ITSN2: variants seen among roughly 807,000 people sequenced by gnomAD.
The protein encoded by ITSN2 is intersectin-2.
In ITSN2, 156 loss-of-function variants were observed where a neutral mutation model predicts 243.7. The observed-to-expected ratio is 0.64, with a 90% confidence interval of 0.56 to 0.73. ITSN2 has a LOEUF of 0.73. Ranked by LOEUF, ITSN2 falls within the 30% of genes least tolerant of loss-of-function variation. ITSN2 has a pLI of 0.00. For missense variants in ITSN2, 1,801 were observed against 1,996.1 expected (o/e 0.90, Z 1.86); for synonymous variants, 703 against 699.9 (o/e 1.00, Z -0.07).
intron 14 of ITSN2, among the ~76,000 whole-genome samples, chr2:24,295,370 G>T (rs146983785): frequency 6.6e-6 from 1 of 152,180 alleles, no homozygotes; most frequent in African/African-American, 2.4e-5. Context: ...ACAGTGGTGC[G>T]ATCTGGGTTC....
At chr2:24,257,823 C>A in intron 23 of ITSN2, 65 bp downstream of exon 23, 1 of 1,204,062 alleles carries the variant, frequency 8.3e-7, no homozygotes, top group East Asian at 2.3e-5. Flanking sequence ...TCAATCAGAC[C>A]ATGGCTGACT....
At chr2:24,332,905 A>C (rs554182048) in intron 1 of ITSN2, among the ~76,000 whole-genome samples, 3 of 152,222 alleles carry the variant, frequency 2.0e-5, no homozygotes, top group Non-Finnish European at 4.4e-5. Flanking sequence ...TGTCATGCTG[A>C]GTATTCATTG....
At chr2:24,298,540 C>T in intron 13 of ITSN2, 125 bp downstream of exon 13, 2 of 795,322 alleles carry the variant, frequency 2.5e-6, no homozygotes, top group Non-Finnish European at 3.8e-6. Flanking sequence ...AGTTGATCTG[C>T]CTGCCTTGGC....
chr2:24,260,903 CA>C (rs34385491), intron 22 of ITSN2, among the ~76,000 whole-genome samples: 71 of 117,744 alleles, frequency 6.0e-4, no homozygotes, highest in Admixed American at 3.1e-3. Context: ...GGCTCCGTCT[CA>C]AAAAAAAAAA....
chr2:24,337,341 T>TATATATATATAC lies in ITSN2; in HGVS notation c.-33-9227_-33-9226insGTATATATATAT, dbSNP rs1558650780. 1.8e-4 allele frequency among the ~76,000 whole-genome samples: 21 copies of TATATATATATAC among 117,252 alleles called. 4 individuals carry two copies. Among genetic ancestry groups the TATATATATATAC allele is most frequent in the African/African-American group, 6.8e-4 (21 of 31,012 alleles). The allele number at this position is 117,252 out of a possible 152,430, so 76.9% of individuals were successfully genotyped here. On this transcript the variant is annotated intron_variant, in intron 1 of 39. Coordinates refer to ENST00000355123, the MANE Select transcript of ITSN2 (RefSeq NM_006277.3). The stretch of plus-strand genomic sequence containing the variant: ...ATATATATATATATATATATATATA[T>TATATATATATAC]ATATATATATATGTAATTTTTTTTT...
At chr2:24,274,569 T>C (rs962329565) in intron 18 of ITSN2, among the ~76,000 whole-genome samples, 2 of 152,106 alleles carry the variant, frequency 1.3e-5, no homozygotes, top group African/African-American at 4.8e-5. Flanking sequence ...GCAAGGACCC[T>C]GTCTCAAAAT....
chr2:24,254,304 G>T (rs1674741308), intron 24 of ITSN2, 63 bp downstream of exon 24: 1 of 1,032,626 alleles, frequency 9.7e-7, no homozygotes, highest in Non-Finnish European at 1.5e-6. Flanking sequence ...ACTATGTGAA[G>T]TCAGGTAGTT....
chr2:24,257,080 G>A (rs939405203), intron 23 of ITSN2, among the ~76,000 whole-genome samples: 1 of 152,334 alleles, frequency 6.6e-6, no homozygotes, highest in African/African-American at 2.4e-5. Context: ...ACTTTGGGAG[G>A]TGGAGGCAGG....
At chr2:24,350,885 G>A (rs1160557025) in intron 1 of ITSN2, among the ~76,000 whole-genome samples, 2 of 152,156 alleles carry the variant, frequency 1.3e-5, no homozygotes, top group African/African-American at 2.4e-5. Flanking sequence ...GGGTATAGGA[G>A]GTTCTTTTAA....
rs1000303677 is a variant in ITSN2, at chr2:24,204,114, G to A, written c.4936+131C>T. The A allele has an allele frequency of 1.4e-5, 13 of 903,800 alleles. No homozygotes were observed. The highest frequency in any genetic ancestry group is 3.5e-4 in the Middle Eastern group (1 of 2,830). The allele number at this position is 903,800 out of a possible 1,614,324, so 56.0% of individuals were successfully genotyped here. A position where few individuals can be genotyped will look rare whatever the true frequency, so the allele number is the denominator to read the frequency against. ...AAGGCCACCCACCTGCTGCCAAAGC[G>A]AGATGACACAGGCCTGTGTCACTTC... is the stretch of plus-strand genomic sequence containing the variant. On this transcript the variant is annotated intron_variant, in intron 39 of 39. Coordinates refer to ENST00000355123, the MANE Select transcript of ITSN2 (RefSeq NM_006277.3). This position sits in a 1 kb window ranked among gnomAD's most constrained non-coding sequence, Gnocchi z 5.1.
intron 1 of ITSN2, among the ~76,000 whole-genome samples, chr2:24,354,806 T>C (rs961081953): frequency 2.0e-5 from 3 of 152,212 alleles, no homozygotes; most frequent in Non-Finnish European, 4.4e-5. Flanking sequence ...CTTAAAAATA[T>C]GAAACAGTTA....
intron 18 of ITSN2, chr2:24,273,622 G>A (rs1170563392): frequency 1.3e-5 from 2 of 152,096 alleles, no homozygotes; most frequent in Non-Finnish European, 2.9e-5. Flanking sequence ...ATAAGTATGA[G>A]ACTAGGACAA....
intron 20 of ITSN2, among the ~76,000 whole-genome samples, chr2:24,266,085 T>C (rs762071991): frequency 7.2e-5 from 11 of 152,202 alleles, no homozygotes; most frequent in Non-Finnish European, 1.5e-4. Flanking sequence ...ACTAAGCAAA[T>C]ATAAGGCATA....
rs1222879253 is a variant in ITSN2, at chr2:24,256,486, C to A, written c.2888+1402G>T. Among the ~76,000 whole-genome samples the A allele has an allele frequency of 2.0e-5, 3 of 152,196 alleles. No individual in the cohort carries two copies. The East Asian group carries it at 5.8e-4, about 29-fold the overall frequency. On this transcript the variant is annotated intron_variant, in intron 23 of 39. Coordinates refer to ENST00000355123, the MANE Select transcript of ITSN2 (RefSeq NM_006277.3). ...CTTTTCATCAAATCAGACTGCTTTT[C>A]TACCAACTTCCATATAAAACACAAG...
At chr2:24,337,336 A>ATATATATATG (rs1686538215) in intron 1 of ITSN2, among the ~76,000 whole-genome samples, 4 of 111,086 alleles carry the variant, frequency 3.6e-5, no homozygotes, top group South Asian at 2.7e-4. Flanking sequence ...ATATATATAT[A>ATATATATATG]TATATATATA....
At position 24,281,337 on chromosome 2, in the gene ITSN2, G is replaced by T. The variant is rs543090868; in HGVS notation, c.1944+3426C>A. On this transcript the variant is annotated intron_variant, in intron 17 of 39. Transcript: ENST00000355123. ...GAGACACCACGCCCAGCCATCAATA[G>T]GTTTTCAACCTCACTGAGACCATTC... is the stretch of plus-strand genomic sequence containing the variant. Among the ~76,000 whole-genome samples the T allele has an allele frequency of 3.9e-5, 6 of 152,196 alleles. No homozygotes were observed. The South Asian group carries it at 1.2e-3, about 32-fold the overall frequency.
At chr2:24,356,124 C>A (rs1475855812) in intron 1 of ITSN2, among the ~76,000 whole-genome samples, 2 of 151,972 alleles carry the variant, frequency 1.3e-5, no homozygotes, top group African/African-American at 4.8e-5. Flanking sequence ...CACACTTGAA[C>A]CCCGGAGGCT....
intron 32 of ITSN2, among the ~76,000 whole-genome samples, chr2:24,213,496 T>C (rs1669686688): frequency 6.6e-6 from 1 of 152,164 alleles, no homozygotes; most frequent in African/African-American, 2.4e-5. Flanking sequence ...ATTGCCCCCC[T>C]TTTGTTTTGG....
Position 24,261,653 on chromosome 2 carries a change from T to G in ITSN2, c.2445A>C (p.Lys815Asn). The change falls in exon 21 of 40, where the codon AAA becomes AAC. Residue 815 changes from lysine to asparagine, a missense_variant. Lys to Asn is a moderately conservative substitution (Grantham distance 94, BLOSUM62 0). Around this residue, in one of 5 missense-constraint regions of ITSN2, gnomAD observed 928 missense variants for 1,065.4 expected, o/e 0.87. Coordinates refer to ENST00000355123, the MANE Select transcript of ITSN2 (RefSeq NM_006277.3). ...FGWFPCNYVE[K>N]MPSSENEKAV... ...CTTTTTCATTTTCACTTGATGGCAT[T>G]TTTTCTACATAATTGCATGGAAACC... 1 of 1,613,482 alleles carries G rather than the reference T, an allele frequency of 6.2e-7. No individual in the cohort carries two copies. The highest frequency in any genetic ancestry group is 8.5e-7 in the Non-Finnish European group (1 of 1,179,524).
Sources: allele counts gnomAD v4.1 joint callset (sites outside exome capture counted in the v4.1 genomes callset), GRCh38; gene constraint gnomAD v4.1.1; regional missense constraint gnomAD v4.1.1; non-coding constraint Gnocchi (gnomAD v3.1); transcripts MANE v1.5; gene names NCBI Gene and HGNC (gene_info 2026-07-23, HGNC 2026-07-21).